DNAJC9: variants seen among roughly 807,000 people sequenced by gnomAD.
DNAJC9 encodes the protein DnaJ heat shock protein family (Hsp40) member C9.
A neutral mutation model predicts 32.4 loss-of-function variants in DNAJC9; 18 were observed. The ratio of observed to expected loss-of-function variants is 0.56; its 90% CI spans 0.38 to 0.82. The LOEUF is 0.82. Among genes scored for constraint, DNAJC9 ranks in the 40% least tolerant of loss-of-function variants. The pLI is 0.00. For missense variants in DNAJC9, 310 were observed against 321.8 expected (o/e 0.96, Z 0.28); for synonymous variants, 113 against 122.1 (o/e 0.93, Z 0.49).
downstream of DNAJC9, chr10:73,234,739 T>C: frequency 6.9e-7 from 1 of 1,454,450 alleles, no homozygotes; most frequent in Non-Finnish European, 9.3e-7. Flanking sequence ...GCTTCATTTA[T>C]CTGATTTCTA....
chr10:73,236,004 A>G (rs1429389856), downstream of DNAJC9, among the ~76,000 whole-genome samples: 2 of 152,180 alleles, frequency 1.3e-5, no homozygotes, highest in South Asian at 2.1e-4. Flanking sequence ...CTTTGTGGCA[A>G]GAGCACTTGG....
At position 73,242,208 on chromosome 10, in the gene DNAJC9, C is replaced by T. The variant is rs1026426554; in HGVS notation, c.*1192G>A. ...TTGTAGTCACAAACCGAAAACGTGTCGTCTTTACCTTAGAGCTAAAGGCTT... is the reference window on the plus strand; with the variant it reads ...TTGTAGTCACAAACCGAAAACGTGTTGTCTTTACCTTAGAGCTAAAGGCTT... On this transcript the variant is annotated 3_prime_UTR_variant, in exon 5 of 5. Coordinates refer to ENST00000372950, the MANE Select transcript of DNAJC9 (RefSeq NM_015190.5). 3.3e-5 allele frequency: 5 copies of T among 152,102 alleles called. No individual in the cohort carries two copies. Among genetic ancestry groups the T allele is most frequent in the African/African-American group, 4.8e-5 (2 of 41,404 alleles). 9.4% of individuals were successfully genotyped at this position (152,102 alleles called of 1,614,324 possible). A position where few individuals can be genotyped will look rare whatever the true frequency, so the allele number is the denominator to read the frequency against.
chr10:73,236,053 A>G (rs949357802), downstream of DNAJC9, among the ~76,000 whole-genome samples: 1 of 152,194 alleles, frequency 6.6e-6, no homozygotes, highest in Admixed American at 6.5e-5. Context: ...ACATCCTGAC[A>G]GTTTTCAGGA....
Position 73,246,165 on chromosome 10 carries a change from C to T in DNAJC9, c.333G>A (p.Glu111=), listed in dbSNP as rs751910456. ...WRLLFKKISL[E]DIQAFEKTYK... is the part of the protein sequence containing the mutation. ...ATGTCTTTTCAAAAGCTTGAATGTC[C>T]TCTAAAGATATCTGATGATAAAGGA... Residue 111 remains glutamate, a synonymous_variant, in exon 3 of 5, where the codon GAG becomes GAA. Transcript: ENST00000372950. 1.9e-6 allele frequency: 3 copies of T among 1,606,506 alleles called. No individual in the cohort carries two copies. The South Asian group carries it at 3.4e-5, about 18-fold the overall frequency.
downstream of DNAJC9, chr10:73,241,595 G>A (rs543656420): frequency 1.4e-4 from 21 of 153,544 alleles, no homozygotes; most frequent in South Asian, 3.7e-3. Context: ...TTAGTATAAA[G>A]TAACTTCTGT....
downstream of DNAJC9, among the ~76,000 whole-genome samples, chr10:73,238,295 C>T (rs902140995): frequency 6.6e-6 from 1 of 152,110 alleles, no homozygotes; most frequent in Admixed American, 6.6e-5. Flanking sequence ...TGCAGTGAGC[C>T]GAGATCGTGC....
downstream of DNAJC9, among the ~76,000 whole-genome samples, chr10:73,236,154 T>C (rs998673779): frequency 6.6e-6 from 1 of 151,966 alleles, no homozygotes; most frequent in Admixed American, 6.6e-5. Flanking sequence ...ATGAGAAGAG[T>C]GGTAAGGATA....
chr10:73,236,444 CGCTCTGTCACCTAGGGTGGA>C (rs1333893342), downstream of DNAJC9, among the ~76,000 whole-genome samples: 2 of 146,608 alleles, frequency 1.4e-5, no homozygotes, highest in Non-Finnish European at 3.0e-5. Flanking sequence ...GACGGAGTCT[CGCTCTGTCACCTAGGGTGGA>C]GTGTAATGGC....
At chr10:73,233,420 G>T (rs754439161) in intron 2 of DNAJC9, among the ~76,000 whole-genome samples, 129 of 152,030 alleles carry the variant, frequency 8.5e-4, no homozygotes, top group Non-Finnish European at 1.6e-3. Context: ...GCTCACTGCA[G>T]CCTCAACTTC....
chr10:73,239,046 T>G (rs2043886070), downstream of DNAJC9: 1 of 350,802 alleles, frequency 2.9e-6, no homozygotes, highest in African/African-American at 2.1e-5. Context: ...TTAAACCATA[T>G]GGATTATTTA....
At chr10:73,236,544 G>T (rs1339865233), downstream of DNAJC9, among the ~76,000 whole-genome samples, 1 of 151,404 alleles carries the variant, frequency 6.6e-6, no homozygotes, top group Non-Finnish European at 1.5e-5. Flanking sequence ...CTCCCGAATA[G>T]CTGGGACTAC....
intron 2 of DNAJC9, among the ~76,000 whole-genome samples, chr10:73,233,662 T>G (rs746639493): frequency 3.3e-5 from 5 of 152,240 alleles, no homozygotes; most frequent in African/African-American, 4.8e-5. Context: ...ATAATTTTAA[T>G]GAAATAGATA....
At chr10:73,240,842 G>C (rs1267668426), downstream of DNAJC9, 4 of 703,632 alleles carry the variant, frequency 5.7e-6, no homozygotes, top group Non-Finnish European at 1.0e-5. Context: ...CATACCTTAA[G>C]AAAGTCCAAT....
At chr10:73,234,937 G>T, downstream of DNAJC9, 1 of 1,551,968 alleles carries the variant, frequency 6.4e-7, no homozygotes, top group Admixed American at 2.0e-5. Flanking sequence ...CACAAAGACA[G>T]ATGGTATGTT....
Position 73,247,127 on chromosome 10 carries a change from G to T in DNAJC9, c.63C>A (p.Gly21=). ...CGCCGTCGGAGGCCTCGCGTCGCAC[G>T]CCCAGCACCCGGTAAAGGTCGGCGG... is the stretch of plus-strand genomic sequence containing the variant. The part of the protein sequence containing the change: ...FGTADLYRVL[G]VRREASDGEV... The change falls in exon 1 of 5, where the codon GGC becomes GGA. Residue 21 remains glycine, a synonymous_variant. Transcript: ENST00000372950. 1 of 1,596,004 alleles carries T rather than the reference G, an allele frequency of 6.3e-7. No individual in the cohort carries two copies. The highest frequency in any genetic ancestry group is 8.5e-7 in the Non-Finnish European group (1 of 1,172,178).
downstream of DNAJC9, among the ~76,000 whole-genome samples, chr10:73,238,480 T>C (rs2043872915): frequency 6.6e-6 from 1 of 152,270 alleles, no homozygotes; most frequent in African/African-American, 2.4e-5. Flanking sequence ...CCTACCGCCT[T>C]GTTTTGTAAA....
chr10:73,245,528 CT>C (rs1455063118), intron 3 of DNAJC9, among the ~76,000 whole-genome samples: 1 of 152,094 alleles, frequency 6.6e-6, no homozygotes, highest in Non-Finnish European at 1.5e-5. Context: ...AACATCTGCA[CT>C]TTTAACAAGA....
chr10:73,239,390 G>T, downstream of DNAJC9: 1 of 1,550,890 alleles, frequency 6.4e-7, no homozygotes, highest in Non-Finnish European at 8.7e-7. Flanking sequence ...TGCAGGTAAA[G>T]GTGGGGCCAT....
At position 73,247,210 on chromosome 10, in the gene DNAJC9, C is replaced by A; in HGVS notation, c.-21G>T. The A allele has an allele frequency of 6.3e-7, 1 of 1,579,362 alleles. No homozygotes were observed. Among genetic ancestry groups the A allele is most frequent in the Non-Finnish European group, 8.6e-7 (1 of 1,163,980 alleles). On this transcript the variant is annotated 5_prime_UTR_variant, in exon 1 of 5. Coordinates refer to ENST00000372950, the MANE Select transcript of DNAJC9 (RefSeq NM_015190.5). Reference sequence around the variant, plus strand: ...CCCATGCCGGGCGGAGATACGACCCCGGAGGAAGCAGCCGCTCCCAGCTGC... The same window carrying A: ...CCCATGCCGGGCGGAGATACGACCCAGGAGGAAGCAGCCGCTCCCAGCTGC...
Sources: gnomAD v4.1 joint callset for allele counts (sites outside exome capture counted in the v4.1 genomes callset) on GRCh38, gnomAD v4.1.1 for gene constraint, MANE v1.5 for transcripts, NCBI Gene and HGNC (gene_info 2026-07-23, HGNC 2026-07-21) for gene names.